The following SBF2 variants were observed in gnomAD, a reference collection of about 807,000 sequenced individuals.
SBF2 encodes the protein SET binding factor 2.
Under a neutral mutation model 225.2 loss-of-function variants are expected in SBF2, and 112 were observed. The observed-to-expected ratio is 0.50, with a 90% confidence interval of 0.43 to 0.58. The LOEUF is 0.58. Ranked by LOEUF, SBF2 falls within the 20% of genes least tolerant of loss-of-function variation. SBF2 has a pLI of 0.00. For missense variants in SBF2, 1,996 were observed against 2,206.2 expected, an observed-to-expected ratio of 0.90 and a Z score of 1.91; for synonymous variants, 763 against 773.3, an observed-to-expected ratio of 0.99 and a Z score of 0.22.
intron 16 of SBF2, among the ~76,000 whole-genome samples, chr11:9,939,076 CTTTAT>C (rs201984807): frequency 1.1e-4 from 16 of 151,944 alleles, no homozygotes; most frequent in South Asian, 6.2e-4. Flanking sequence ...TGCTTTATTT[CTTTAT>C]TTTATTTTAT....
In SBF2 at chr11:9,847,181, T is replaced by C. The variant is rs975870623; in HGVS notation, c.2807-98A>G. On this transcript the variant is annotated intron_variant, in intron 22 of 39. Coordinates refer to ENST00000256190, the MANE Select transcript of SBF2 (RefSeq NM_030962.4). ...CATCAGTCTCTGCTAGAGAAATGTA[T>C]TTGAAGAGGACACTGCCCAGGGATG... 2.7e-6 allele frequency: 4 copies of C among 1,457,940 alleles called. No individual in the cohort carries two copies. The African/African-American group carries it at 4.2e-5, about 15-fold the overall frequency. 90.3% of individuals were successfully genotyped at this position (1,457,940 alleles called of 1,614,324 possible). A position where few individuals can be genotyped will look rare whatever the true frequency, so the allele number is the denominator to read the frequency against.
chr11:10,088,378 AAG>A (rs1951659217), intron 2 of SBF2, among the ~76,000 whole-genome samples: 1 of 152,182 alleles, frequency 6.6e-6, no homozygotes, highest in African/African-American at 2.4e-5. Flanking sequence ...TTCCACAGAA[AAG>A]AGAGTTACTA....
intron 17 of SBF2, among the ~76,000 whole-genome samples, chr11:9,883,539 G>GT (rs1169783224): frequency 6.6e-6 from 1 of 152,100 alleles, no homozygotes; most frequent in Non-Finnish European, 1.5e-5. Context: ...CCTCACGTGT[G>GT]TATGTGAAGT....
intron 33 of SBF2, among the ~76,000 whole-genome samples, chr11:9,794,673 T>G (rs1435273671): frequency 1.7e-4 from 1 of 5,946 alleles, no homozygotes; most frequent in Non-Finnish European, 5.0e-4. Context: ...TGGGACTCCG[T>G]CTCAAAAAAA....
intron 2 of SBF2, among the ~76,000 whole-genome samples, chr11:10,059,860 C>T (rs967325351): frequency 2.6e-5 from 4 of 152,104 alleles, no homozygotes; most frequent in African/African-American, 9.7e-5. Context: ...ATACCAGAAT[C>T]TCTGGGACAC....
chr11:10,028,798 A>C (rs1042121809), intron 5 of SBF2, among the ~76,000 whole-genome samples: 2 of 152,200 alleles, frequency 1.3e-5, no homozygotes, highest in African/African-American at 4.8e-5. Flanking sequence ...AATCATTGAT[A>C]ATCATAACTG....
At chr11:9,825,994 G>A (rs955329184) in intron 28 of SBF2, among the ~76,000 whole-genome samples, 6 of 152,092 alleles carry the variant, frequency 3.9e-5, no homozygotes, top group African/African-American at 9.7e-5. Flanking sequence ...TTTTTTAAAC[G>A]AAGAATCACA....
At chr11:10,024,727 A>C (rs975529619) in intron 6 of SBF2, among the ~76,000 whole-genome samples, 1 of 152,118 alleles carries the variant, frequency 6.6e-6, no homozygotes, top group Non-Finnish European at 1.5e-5. Context: ...CAAGCCTGAG[A>C]GAGTTGAGGA....
rs188685790 is a variant in SBF2 at position 10,103,545 on chromosome 11, C to A, written c.142-60564G>T. On this transcript the variant is annotated intron_variant, in intron 2 of 39. Transcript: ENST00000256190. ...TAACAAATTTCCTTGTCAATTTTGT[C>A]TTTACCTGTGGCTAAGACTTTTTGT... Among the ~76,000 whole-genome samples, 120 of 152,216 alleles carry A rather than the reference C, an allele frequency of 7.9e-4. 2 individuals carry two copies. The highest frequency in any genetic ancestry group is 1.5e-3 in the Non-Finnish European group (101 of 67,984).
intron 23 of SBF2, among the ~76,000 whole-genome samples, chr11:9,846,203 G>C (rs779240800): frequency 2.6e-5 from 4 of 152,160 alleles, no homozygotes; most frequent in Non-Finnish European, 5.9e-5. Context: ...GAAATCCTTA[G>C]GCAGCCAATG....
chr11:9,840,931 C>G (rs1316379048), intron 25 of SBF2, among the ~76,000 whole-genome samples: 2 of 147,262 alleles, frequency 1.4e-5, no homozygotes, highest in Non-Finnish European at 3.0e-5. Context: ...TTTTAAAGAA[C>G]ATTCCTAATT....
At chr11:10,021,164 T>C (rs1948842839) in intron 6 of SBF2, among the ~76,000 whole-genome samples, 1 of 152,220 alleles carries the variant, frequency 6.6e-6, no homozygotes, top group South Asian at 2.1e-4. Context: ...CTGTGAAAAC[T>C]GTTGGATACA....
chr11:10,274,238 C>T (rs181670530), intron 1 of SBF2, among the ~76,000 whole-genome samples: 148 of 152,282 alleles, frequency 9.7e-4, no homozygotes, highest in Admixed American at 1.8e-3. Flanking sequence ...GGCGCTCCTT[C>T]CGCTGTCAAC....
intron 3 of SBF2, among the ~76,000 whole-genome samples, chr11:10,038,067 A>G (rs77270687): frequency 0.014 from 2,155 of 152,070 alleles, 51 homozygotes; most frequent in African/African-American, 0.048. Flanking sequence ...TCTCCTATAC[A>G]CAATAGGGTC....
rs766189737 is a variant in SBF2, at chr11:9,809,049, T to C, written c.4156-47A>G. On this transcript the variant is annotated intron_variant, in intron 30 of 39. Coordinates refer to ENST00000256190, the MANE Select transcript of SBF2 (RefSeq NM_030962.4). ...ACAATTAGACCAAGCGCTTTCTGAG[T>C]GCAGAAGTCAGAGAGAGTTGCTTTC... is the stretch of plus-strand genomic sequence containing the variant. The C allele has an allele frequency of 1.2e-4, 165 of 1,387,764 alleles. 1 individual carries two copies. In the South Asian group the frequency reaches 1.9e-3, roughly 16 times the overall value. The allele number at this position is 1,387,764 out of a possible 1,614,324, so 86.0% of individuals were successfully genotyped here. A position where few individuals can be genotyped will look rare whatever the true frequency, so the allele number is the denominator to read the frequency against.
intron 2 of SBF2, among the ~76,000 whole-genome samples, chr11:10,081,397 A>G (rs532888257): frequency 6.6e-6 from 1 of 152,340 alleles, no homozygotes; most frequent in South Asian, 2.1e-4. Context: ...GAGACACAAC[A>G]TATCAAAAAC....
intron 2 of SBF2, among the ~76,000 whole-genome samples, chr11:10,071,171 G>A (rs1480467227): frequency 1.3e-5 from 2 of 151,696 alleles, no homozygotes; most frequent in Non-Finnish European, 2.9e-5. Flanking sequence ...TTGCCTGATT[G>A]CCCTGGCTGG....
In SBF2 at chr11:10,196,866, A is replaced by ATATAT; in HGVS notation, c.56-2880_56-2879insATATA. On this transcript the variant is annotated intron_variant, in intron 1 of 39. Coordinates refer to ENST00000256190, the MANE Select transcript of SBF2 (RefSeq NM_030962.4). The stretch of plus-strand genomic sequence containing the variant: ...TATATATATATATATATATATATAT[A>ATATAT]TTTTTTTTTTCCTACAAAATGAATA... Among the ~76,000 whole-genome samples the ATATAT allele has an allele frequency of 2.8e-3, 280 of 99,272 alleles. 1 individual carries two copies. The highest frequency in any genetic ancestry group is 0.014 in the East Asian group (56 of 3,934). The allele number at this position is 99,272 out of a possible 152,430, so 65.1% of individuals were successfully genotyped here.
intron 16 of SBF2, among the ~76,000 whole-genome samples, chr11:9,945,250 C>T (rs1022310540): frequency 3.3e-5 from 5 of 152,182 alleles, no homozygotes; most frequent in Non-Finnish European, 7.3e-5. Flanking sequence ...AAAACAGACA[C>T]ATAGGCCAAT....
Sources: gnomAD v4.1 joint callset for allele counts (sites outside exome capture counted in the v4.1 genomes callset) on GRCh38, gnomAD v4.1.1 for gene constraint, MANE v1.5 for transcripts, NCBI Gene and HGNC (gene_info 2026-07-23, HGNC 2026-07-21) for gene names.